Variants in OTOGL observed in about 807,000 individuals in gnomAD.
The protein encoded by OTOGL is otogelin-like protein.
Under a neutral mutation model 318.5 loss-of-function variants are expected in OTOGL, and 285 were observed. That is an observed-to-expected ratio of 0.89 (90% CI 0.81 to 0.99). The LOEUF (loss-of-function observed/expected upper bound fraction) is 0.99, where lower values mean the gene tolerates loss of function less well. Ranked by LOEUF, OTOGL falls within the 50% of genes least tolerant of loss-of-function variation. The pLI is 0.00. For synonymous variants in OTOGL, 987 were observed against 936.5 expected (o/e 1.05, Z -0.99); for missense variants, 2,899 against 2,845.6 (o/e 1.02, Z -0.43).
intron 37 of OTOGL, 58 bp downstream of exon 37, chr12:80,329,177 A>ATTT: frequency 7.9e-7 from 1 of 1,267,822 alleles, no homozygotes; most frequent in South Asian, 1.7e-5. Flanking sequence ...TGTTGGCTTA[A>ATTT]TTTATGTAAT....
intron 1 of OTOGL, among the ~76,000 whole-genome samples, chr12:80,175,721 G>A (rs1388012957): frequency 2.0e-5 from 3 of 152,074 alleles, no homozygotes. Context: ...TTCTTGTCTG[G>A]GGCCTGGTGA....
At chr12:80,200,497 A>G (rs1876380983) in intron 1 of OTOGL, among the ~76,000 whole-genome samples, 1 of 152,218 alleles carries the variant, frequency 6.6e-6, no homozygotes, top group African/African-American at 2.4e-5. Flanking sequence ...GATATTTTTC[A>G]ATGATTGAGA....
chr12:80,329,930 C>G (rs1308571967), intron 37 of OTOGL, among the ~76,000 whole-genome samples: 1 of 152,128 alleles, frequency 6.6e-6, no homozygotes, highest in Non-Finnish European at 1.5e-5. Flanking sequence ...AAGCAGCCCA[C>G]ACTAGGACCA....
At chr12:80,301,410 T>G (rs978953869) in intron 27 of OTOGL, among the ~76,000 whole-genome samples, 3 of 152,212 alleles carry the variant, frequency 2.0e-5, no homozygotes, top group Non-Finnish European at 4.4e-5. Flanking sequence ...AATACTTCCC[T>G]GTTTGAAAGC....
intron 55 of OTOGL, among the ~76,000 whole-genome samples, 181 bp downstream of exon 55, chr12:80,368,490 A>G (rs977097328): frequency 6.6e-6 from 1 of 151,908 alleles, no homozygotes; most frequent in Non-Finnish European, 1.5e-5. Context: ...TTTATGTTGT[A>G]AAGAAAAATG....
At chr12:80,238,816 T>G in intron 9 of OTOGL, 35 bp from the exon 10 acceptor site, 1 of 1,314,258 alleles carries the variant, frequency 7.6e-7, no homozygotes. Flanking sequence ...TTACACCTAT[T>G]TGTGTGTGTG....
rs1376403297 is a variant in OTOGL, at chr12:80,355,876, G to A, written c.5734G>A (p.Val1912Ile). Residue 1912 changes from valine to isoleucine, a missense_variant, in exon 47 of 59, where the codon GTT (valine) becomes ATT (isoleucine). Val to Ile is a conservative substitution (Grantham distance 29). Transcript: ENST00000547103. The part of the protein sequence containing the change: ...EPDCDEEPTP[V>I]CEREAEVVMG... ...TGACTGTGATGAAGAGCCCACGCCA[G>A]TTTGTGAACGAGAAGCTGAAGTTGT... 8 of 1,613,830 alleles carry A rather than the reference G, an allele frequency of 5.0e-6. No individual in the cohort carries two copies. In the South Asian group the frequency reaches 8.8e-5, roughly 18 times the overall value.
Position 80,302,748 on chromosome 12 carries a change from A to G in OTOGL, c.3178A>G (p.Thr1060Ala). 6.5e-7 allele frequency: 1 copy of G among 1,533,468 alleles called. No homozygotes were observed. The allele number at this position is 1,533,468 out of a possible 1,614,324, so 95.0% of individuals were successfully genotyped here. Reference protein sequence around the residue: ...KDITILWDRKTTIHIKVGPQW... With the variant: ...KDITILWDRKATIHIKVGPQW... Reference sequence around the variant, plus strand: ...TATCACTATTCTTTGGGATAGGAAGACAACTATTCATATCAAAGTTGGGCC... The same window carrying G: ...TATCACTATTCTTTGGGATAGGAAGGCAACTATTCATATCAAAGTTGGGCC... The change falls in exon 28 of 59, where the codon ACA becomes GCA. Residue 1060 changes from threonine (T) to alanine (A), a missense_variant. Thr to Ala is a moderately conservative substitution (Grantham distance 58). Transcript: ENST00000547103.
intron 1 of OTOGL, among the ~76,000 whole-genome samples, chr12:80,135,277 C>CCCCTT (rs767346954): frequency 0.2 from 13,823 of 67,926 alleles, 2,248 homozygotes; most frequent in Non-Finnish European, 0.28. Flanking sequence ...CCCCTCCCCT[C>CCCCTT]CCCTTCCCTT....
chr12:80,303,815 C>T (rs1025978335), intron 28 of OTOGL, among the ~76,000 whole-genome samples: 1 of 152,190 alleles, frequency 6.6e-6, no homozygotes, highest in South Asian at 2.1e-4. Flanking sequence ...AATCACCTCT[C>T]ACCAGGTCCT....
intron 35 of OTOGL, among the ~76,000 whole-genome samples, chr12:80,327,891 G>A (rs1377792287): frequency 1.1e-4 from 16 of 143,212 alleles, no homozygotes; most frequent in South Asian, 2.2e-4. Flanking sequence ...TCCGGGAGGC[G>A]GAGATTGCAG....
At chr12:80,191,130 T>C (rs930264996) in intron 1 of OTOGL, among the ~76,000 whole-genome samples, 10 of 152,184 alleles carry the variant, frequency 6.6e-5, no homozygotes, top group African/African-American at 2.4e-4. Flanking sequence ...ATTTTTCATA[T>C]TGTGACTTTA....
intron 21 of OTOGL, 72 bp from the exon 22 acceptor site, chr12:80,267,181 C>G (rs1484831040): frequency 1.1e-6 from 1 of 931,724 alleles, no homozygotes; most frequent in African/African-American, 1.7e-5. Context: ...ATGGAGAGCA[C>G]AAGGTCAGCT....
intron 57 of OTOGL, among the ~76,000 whole-genome samples, chr12:80,374,843 T>C (rs1891090701): frequency 6.6e-6 from 1 of 152,122 alleles, no homozygotes; most frequent in African/African-American, 2.4e-5. Context: ...CACTATGGCC[T>C]GCCACACACT....
intron 33 of OTOGL, among the ~76,000 whole-genome samples, chr12:80,319,804 A>G (rs1223371353): frequency 6.6e-6 from 1 of 152,182 alleles, no homozygotes; most frequent in Non-Finnish European, 1.5e-5. Flanking sequence ...GCTCTAGCTG[A>G]AAAAGGGTGA....
In OTOGL at chr12:80,310,630, C is replaced by T. The variant is rs1470955045; in HGVS notation, c.3353C>T (p.Thr1118Ile). The change falls in exon 30 of 59, where the codon ACA becomes ATA. Residue 1118 changes from threonine to isoleucine, a missense_variant. By Grantham distance (89) the Thr-to-Ile change is moderately conservative. Around this residue, in one of 3 missense-constraint regions of OTOGL, gnomAD observed 2,607 missense variants for 2,524.9 expected, o/e 1.03. Coordinates refer to ENST00000547103, the MANE Select transcript of OTOGL (RefSeq NM_001378609.3). ...ALGQCESPDE[T>I]IKPCEAHQNK... ...CAACAGTGTGAAAGTCCAGATGAAA[C>T]AATTAAACCCTGTGAGGCACATCAA... 3.1e-6 allele frequency: 5 copies of T among 1,591,584 alleles called. No homozygotes were observed. The highest frequency in any genetic ancestry group is 4.3e-6 in the Non-Finnish European group (5 of 1,172,998).
chr12:80,317,707 T>C (rs540742267), intron 32 of OTOGL, among the ~76,000 whole-genome samples: 5 of 152,330 alleles, frequency 3.3e-5, no homozygotes, highest in South Asian at 4.1e-4. Flanking sequence ...GCTAGAAAAT[T>C]AGCCATTACC....
In OTOGL at chr12:80,379,893, A is replaced by T. The variant is rs1356204737; in HGVS notation, c.*1845A>T. On this transcript the variant is annotated 3_prime_UTR_variant, in exon 59 of 59. Coordinates refer to ENST00000547103, the MANE Select transcript of OTOGL (RefSeq NM_001378609.3). ...GGCAAAACTAAACAGACACAGTCCT[A>T]ACTCCCTTAATTCTTAGAGTCTAGC... The T allele has an allele frequency of 6.6e-6, 1 of 151,832 alleles. No homozygotes were observed. Among genetic ancestry groups the T allele is most frequent in the East Asian group, 1.9e-4 (1 of 5,184 alleles). The allele number at this position is 151,832 out of a possible 1,614,324, so 9.4% of individuals were successfully genotyped here.
chr12:80,100,592 G>C (rs1869080366), intron 1 of OTOGL, among the ~76,000 whole-genome samples: 1 of 152,100 alleles, frequency 6.6e-6, no homozygotes, highest in Non-Finnish European at 1.5e-5. Flanking sequence ...CAAACCGCTA[G>C]AAAGTATTAC....
Sources: allele counts gnomAD v4.1 joint callset (sites outside exome capture counted in the v4.1 genomes callset), GRCh38; gene constraint gnomAD v4.1.1; regional missense constraint gnomAD v4.1.1; transcripts MANE v1.5; gene names NCBI Gene and HGNC (gene_info 2026-07-23, HGNC 2026-07-21).